The following MYOM1 variants were observed in gnomAD, a reference collection of about 807,000 sequenced individuals.
MYOM1 encodes the protein myomesin-1.
A neutral mutation model predicts 205.3 loss-of-function variants in MYOM1; 164 were observed. That is an observed-to-expected ratio of 0.80 (90% CI 0.70 to 0.91). MYOM1 has a LOEUF of 0.91. Ranked by LOEUF, MYOM1 falls within the 40% of genes least tolerant of loss-of-function variation. MYOM1 has a pLI of 0.00. For synonymous variants in MYOM1, 772 were observed against 789.4 expected, an observed-to-expected ratio of 0.98 and a Z score of 0.37; for missense variants, 2,011 against 2,127.3, an observed-to-expected ratio of 0.95 and a Z score of 1.08.
intron 14 of MYOM1, among the ~76,000 whole-genome samples, chr18:3,138,860 G>T (rs2080008923): frequency 6.6e-6 from 1 of 152,316 alleles, no homozygotes; most frequent in East Asian, 1.9e-4. Context: ...GTGGCCCAGT[G>T]TAATAGTTGG....
At chr18:3,223,752 A>T (rs994154020), upstream of MYOM1, among the ~76,000 whole-genome samples, 2 of 152,224 alleles carry the variant, frequency 1.3e-5, no homozygotes, top group African/African-American at 4.8e-5. Flanking sequence ...CTCTGCTTCT[A>T]CCTGCTGGCT....
At chr18:3,108,548 A>AT (rs111380552) in intron 22 of MYOM1, among the ~76,000 whole-genome samples, 31,045 of 147,864 alleles carry the variant, frequency 0.21, 3,287 homozygotes, top group African/African-American at 0.2. Context: ...CAATGACAGC[A>AT]TTTTTTTTTT....
At chr18:3,246,628 G>T in the MYOM1 span, 2 of 152,210 alleles carry the variant, frequency 1.3e-5, no homozygotes, top group Non-Finnish European at 2.9e-5. Context: ...CGAATACTTA[G>T]AAGATACTAT....
At chr18:3,241,686 C>T in the MYOM1 span, among the ~76,000 whole-genome samples, 58 of 152,350 alleles carry the variant, frequency 3.8e-4, no homozygotes, top group Non-Finnish European at 7.5e-4. Flanking sequence ...CCACTGTCCT[C>T]CAGACCACAG....
chr18:3,160,549 C>A (rs1462224777), intron 10 of MYOM1, among the ~76,000 whole-genome samples: 2 of 152,070 alleles, frequency 1.3e-5, no homozygotes, highest in African/African-American at 4.8e-5. Context: ...CTAAAAAGCA[C>A]CAAATTGTAT....
intron 14 of MYOM1, among the ~76,000 whole-genome samples, chr18:3,136,406 TAATTA>T (rs1395815308): frequency 6.6e-6 from 1 of 152,106 alleles, no homozygotes; most frequent in Non-Finnish European, 1.5e-5. Flanking sequence ...TTTCTAATTT[TAATTA>T]AATTAAATTA....
At chr18:3,184,699 G>A (rs1356731008) in intron 5 of MYOM1, among the ~76,000 whole-genome samples, 1 of 152,194 alleles carries the variant, frequency 6.6e-6, no homozygotes, top group African/African-American at 2.4e-5. Flanking sequence ...GCAAGGCAAG[G>A]AGACTGTGAA....
chr18:3,199,922 T>C (rs929194950), intron 2 of MYOM1, among the ~76,000 whole-genome samples: 5 of 151,566 alleles, frequency 3.3e-5, no homozygotes, highest in African/African-American at 1.2e-4. Context: ...GAAGATTTAC[T>C]GTCTTGAGCT....
intron 13 of MYOM1, among the ~76,000 whole-genome samples, chr18:3,147,052 A>C (rs1352113583): frequency 1.4e-5 from 2 of 144,210 alleles, no homozygotes; most frequent in African/African-American, 2.6e-5. Flanking sequence ...AATATTATAT[A>C]TTATATATAA....
At chr18:3,092,902 G>GT (rs1446878168) in intron 26 of MYOM1, among the ~76,000 whole-genome samples, 2 of 152,168 alleles carry the variant, frequency 1.3e-5, no homozygotes, top group Non-Finnish European at 2.9e-5. Context: ...GCTTGAACAC[G>GT]TGAAGGGGAG....
intron 19 of MYOM1, among the ~76,000 whole-genome samples, chr18:3,120,937 A>G (rs1352825029): frequency 6.6e-6 from 1 of 152,266 alleles, no homozygotes; most frequent in Non-Finnish European, 1.5e-5. Flanking sequence ...GCAGCAAACT[A>G]TAAAATATGT....
Position 3,135,469 on chromosome 18 carries a change from C to T in MYOM1, c.2209+78G>A. 1 of 1,329,056 alleles carries T rather than the reference C, an allele frequency of 7.5e-7. No homozygotes were observed. Among genetic ancestry groups the T allele is most frequent in the South Asian group, 1.7e-5 (1 of 60,580 alleles). 82.3% of individuals were successfully genotyped at this position (1,329,056 alleles called of 1,614,324 possible). On this transcript the variant is annotated intron_variant, in intron 15 of 37. Transcript: ENST00000356443. This position sits in a 1 kb window ranked among gnomAD's most constrained non-coding sequence, Gnocchi z 4.1. ...TGAAAGAAGGATGTCACCATTTTTA[C>T]TCCTGGCCAAATATACATATACTAG...
At chr18:3,237,075 GA>G in the MYOM1 span, among the ~76,000 whole-genome samples, 8 of 151,472 alleles carry the variant, frequency 5.3e-5, no homozygotes, top group East Asian at 1.2e-3. Context: ...GGAGTGGTCA[GA>G]AAAAAAAGAT....
chr18:3,110,219 G>A (rs956469044), intron 22 of MYOM1, among the ~76,000 whole-genome samples: 13 of 152,086 alleles, frequency 8.5e-5, no homozygotes, highest in African/African-American at 3.1e-4. Context: ...TGCTGTGGGT[G>A]TGCGTGGGGG....
At chr18:3,130,749 C>T (rs1306581195) in intron 17 of MYOM1, among the ~76,000 whole-genome samples, 1 of 152,204 alleles carries the variant, frequency 6.6e-6, no homozygotes, top group Non-Finnish European at 1.5e-5. Context: ...AGCCCCCGTG[C>T]TCAGCCCACA....
intron 37 of MYOM1, among the ~76,000 whole-genome samples, chr18:3,070,384 G>T (rs2143615280): frequency 6.6e-6 from 1 of 152,152 alleles, no homozygotes; most frequent in African/African-American, 2.4e-5. Context: ...ACTCCTGGGT[G>T]TAAGCAATCC....
At chr18:3,138,187 A>G (rs536308776) in intron 14 of MYOM1, among the ~76,000 whole-genome samples, 77 of 152,288 alleles carry the variant, frequency 5.1e-4, no homozygotes, top group Middle Eastern at 3.4e-3. Flanking sequence ...AACTTTGCCC[A>G]TGGTTGGTAA....
chr18:3,182,799 A>T (rs967436212), intron 5 of MYOM1, among the ~76,000 whole-genome samples: 2 of 151,496 alleles, frequency 1.3e-5, no homozygotes, highest in African/African-American at 2.4e-5. Flanking sequence ...TAAAACTTTA[A>T]TTTTTTTCAC....
chr18:3,164,033 T>TA (rs2080434740), intron 10 of MYOM1, among the ~76,000 whole-genome samples: 1 of 151,714 alleles, frequency 6.6e-6, no homozygotes, highest in East Asian at 1.9e-4. Context: ...AAAAAATTTT[T>TA]TTTTGTAGAA....
Sources: gnomAD v4.1 joint callset for allele counts (sites outside exome capture counted in the v4.1 genomes callset) on GRCh38, gnomAD v4.1.1 for gene constraint, Gnocchi (gnomAD v3.1) non-coding constraint, MANE v1.5 for transcripts, NCBI Gene and HGNC (gene_info 2026-07-23, HGNC 2026-07-21) for gene names.